Variants in TRABD2B observed in about 807,000 individuals in gnomAD.
TRABD2B encodes the protein metalloprotease TIKI2.
In TRABD2B, 14 loss-of-function variants were observed where a neutral mutation model predicts 40.1. That is an observed-to-expected ratio of 0.35 (90% CI 0.23 to 0.55). TRABD2B has a LOEUF of 0.55. TRABD2B is among the 20% of genes least tolerant of loss of function. TRABD2B has a pLI of 0.90. For synonymous variants in TRABD2B, 263 were observed against 277.0 expected, an observed-to-expected ratio of 0.95 and a Z score of 0.50; for missense variants, 541 against 648.6, an observed-to-expected ratio of 0.83 and a Z score of 1.80.
intron 2 of TRABD2B, among the ~76,000 whole-genome samples, chr1:47,893,957 C>A (rs1644484025): frequency 6.6e-6 from 1 of 152,196 alleles, no homozygotes; most frequent in South Asian, 2.1e-4. Context: ...CCCGAAACCC[C>A]CAAATAACCT....
intron 2 of TRABD2B, among the ~76,000 whole-genome samples, chr1:47,971,007 G>A (rs1481993455): frequency 1.3e-5 from 2 of 152,230 alleles, no homozygotes; most frequent in African/African-American, 4.8e-5. Flanking sequence ...ATCACTGGAG[G>A]CTGGGGGAAG....
chr1:47,956,356 T>C (rs1315463820), intron 2 of TRABD2B, among the ~76,000 whole-genome samples: 2 of 152,162 alleles, frequency 1.3e-5, no homozygotes, highest in African/African-American at 4.8e-5. Context: ...TCACTGGGGC[T>C]TGTCGGACAG....
intron 2 of TRABD2B, among the ~76,000 whole-genome samples, chr1:47,812,692 C>T (rs986295967): frequency 6.6e-6 from 1 of 152,094 alleles, no homozygotes; most frequent in Non-Finnish European, 1.5e-5. Flanking sequence ...ATACTGCAGC[C>T]TGGGCAACAG....
chr1:47,980,980 C>T (rs1470115149), intron 2 of TRABD2B, among the ~76,000 whole-genome samples: 2 of 152,280 alleles, frequency 1.3e-5, no homozygotes, highest in Middle Eastern at 3.4e-3. Flanking sequence ...TCCAGCTCCA[C>T]CTCCTCTGGG....
intron 2 of TRABD2B, among the ~76,000 whole-genome samples, chr1:47,842,065 C>G (rs567403450): frequency 1.3e-5 from 2 of 152,286 alleles, no homozygotes; most frequent in South Asian, 4.1e-4. Flanking sequence ...AACCACTGCG[C>G]CTGGCCGAAA....
chr1:47,843,172 C>A (rs995944111), intron 2 of TRABD2B, among the ~76,000 whole-genome samples: 29 of 152,084 alleles, frequency 1.9e-4, no homozygotes, highest in Admixed American at 1.8e-3. Flanking sequence ...AGACCCTTTT[C>A]CTTAGAGCAA....
At chr1:47,864,656 T>C (rs904293070) in intron 2 of TRABD2B, among the ~76,000 whole-genome samples, 5 of 152,126 alleles carry the variant, frequency 3.3e-5, no homozygotes, top group African/African-American at 1.2e-4. Flanking sequence ...TTGAGTTAAC[T>C]TTTCCTTCTT....
At chr1:47,810,151 TGTGCGC>T (rs1264236194) in intron 2 of TRABD2B, among the ~76,000 whole-genome samples, 1 of 126,712 alleles carries the variant, frequency 7.9e-6, no homozygotes, top group Non-Finnish European at 1.7e-5. Flanking sequence ...TGTGTGTGTG[TGTGCGC>T]GCGCGCGCGC....
intron 3 of TRABD2B, among the ~76,000 whole-genome samples, chr1:47,799,828 C>T (rs11211604): frequency 0.3 from 46,073 of 151,972 alleles, 7,560 homozygotes; most frequent in East Asian, 0.65. Flanking sequence ...CAGTCCCAGG[C>T]CCTACCCACA....
chr1:47,806,698 G>A (rs967633238), intron 2 of TRABD2B, among the ~76,000 whole-genome samples: 2 of 152,184 alleles, frequency 1.3e-5, no homozygotes, highest in Non-Finnish European at 2.9e-5. Context: ...GTCTTCAAAC[G>A]AGGAACTAGG....
intron 2 of TRABD2B, among the ~76,000 whole-genome samples, chr1:47,925,208 C>T (rs1644953885): frequency 6.6e-6 from 1 of 152,180 alleles, no homozygotes; most frequent in Non-Finnish European, 1.5e-5. Flanking sequence ...CCTATCCCAT[C>T]CTCTGGTGTC....
chr1:47,995,466 T>C (rs1010223822), intron 1 of TRABD2B, among the ~76,000 whole-genome samples: 5 of 152,018 alleles, frequency 3.3e-5, no homozygotes, highest in African/African-American at 1.2e-4. Context: ...TGTCATTTTC[T>C]ATGACCTAAG....
intron 2 of TRABD2B, among the ~76,000 whole-genome samples, chr1:47,816,549 G>A (rs1253812326): frequency 3.3e-5 from 5 of 151,944 alleles, no homozygotes; most frequent in East Asian, 1.9e-4. Flanking sequence ...CCTTCTGCCC[G>A]GTATGCCATT....
At chr1:47,773,972 A>G (rs1323896552) in intron 6 of TRABD2B, among the ~76,000 whole-genome samples, 1 of 152,216 alleles carries the variant, frequency 6.6e-6, no homozygotes, top group African/African-American at 2.4e-5. Context: ...CATGAAGTGC[A>G]AAGTGCAAGA....
intron 2 of TRABD2B, among the ~76,000 whole-genome samples, chr1:47,948,870 C>G (rs1432970857): frequency 6.6e-6 from 1 of 152,172 alleles, no homozygotes; most frequent in Non-Finnish European, 1.5e-5. Flanking sequence ...CTCATCACCC[C>G]TCTCTCACTT....
At chr1:47,793,057 C>T (rs759227559) in intron 4 of TRABD2B, among the ~76,000 whole-genome samples, 2 of 152,102 alleles carry the variant, frequency 1.3e-5, no homozygotes, top group East Asian at 1.9e-4. Flanking sequence ...AGGTGCCCTG[C>T]GGCTGGAGAG....
chr1:47,784,300 G>C (rs1387058543), intron 4 of TRABD2B, among the ~76,000 whole-genome samples: 22 of 152,218 alleles, frequency 1.4e-4, no homozygotes, highest in Admixed American at 1.4e-3. Flanking sequence ...TTGGGGGCAG[G>C]AAATTGTCAG....
intron 2 of TRABD2B, among the ~76,000 whole-genome samples, chr1:47,993,817 C>T (rs1210277354): frequency 1.3e-5 from 2 of 152,210 alleles, no homozygotes; most frequent in Non-Finnish European, 1.5e-5. Flanking sequence ...TAGAAGCAAA[C>T]ACGCAGACTC....
rs576626158 is a variant in TRABD2B, at chr1:47,892,641, C to T, written c.667-91022G>A. On this transcript the variant is annotated intron_variant, in intron 2 of 6. Transcript: ENST00000606738. ...GAAGCAGCAAGGAGACTAACAGAGGCTACTGAGGTAGGATGAGTGAAGGAC... is the reference window on the plus strand; with the variant it reads ...GAAGCAGCAAGGAGACTAACAGAGGTTACTGAGGTAGGATGAGTGAAGGAC... Among the ~76,000 whole-genome samples the T allele has an allele frequency of 5.3e-5, 8 of 152,244 alleles. No individual in the cohort carries two copies. The South Asian group carries it at 1.7e-3, about 32-fold the overall frequency.
Sources: allele counts gnomAD v4.1 joint callset (sites outside exome capture counted in the v4.1 genomes callset), GRCh38; gene constraint gnomAD v4.1.1; transcripts MANE v1.5; gene names NCBI Gene and HGNC (gene_info 2026-07-23, HGNC 2026-07-21).